The following PALLD variants were observed in gnomAD, a reference collection of about 807,000 sequenced individuals.
PALLD encodes the protein palladin.
A neutral mutation model predicts 123.5 loss-of-function variants in PALLD; 61 were observed. The observed-to-expected ratio is 0.49, with a 90% CI of 0.40 to 0.61. The LOEUF (loss-of-function observed/expected upper bound fraction) is 0.61, where lower values mean the gene tolerates loss of function less well. PALLD is among the 20% of genes least tolerant of loss of function. PALLD has a pLI of 0.00. For synonymous variants in PALLD, 465 were observed against 496.4 expected (o/e 0.94, Z 0.84); for missense variants, 1,273 against 1,377.0 (o/e 0.92, Z 1.20).
chr4:168,781,547 A>T (rs1393585170), intron 10 of PALLD, among the ~76,000 whole-genome samples: 1 of 152,216 alleles, frequency 6.6e-6, no homozygotes, highest in Non-Finnish European at 1.5e-5. Context: ...TGATGACAGG[A>T]AGCCTCGGAG....
chr4:168,553,454 T>G (rs1766953257), intron 2 of PALLD, among the ~76,000 whole-genome samples: 1 of 152,212 alleles, frequency 6.6e-6, no homozygotes, highest in Non-Finnish European at 1.5e-5. Context: ...TTTAAACTAG[T>G]AAGTGACATA....
At chr4:168,589,799 G>A (rs572187278) in intron 2 of PALLD, among the ~76,000 whole-genome samples, 4 of 152,306 alleles carry the variant, frequency 2.6e-5, no homozygotes, top group Non-Finnish European at 5.9e-5. Context: ...AGACTGGAAA[G>A]ATTTAAACTC....
chr4:168,592,489 G>C (rs1162331357), intron 2 of PALLD, among the ~76,000 whole-genome samples: 1 of 152,052 alleles, frequency 6.6e-6, no homozygotes, highest in Non-Finnish European at 1.5e-5. Flanking sequence ...TTTTTACTTT[G>C]AGACCTCAAA....
At chr4:168,828,959 A>G (rs889653408) in intron 10 of PALLD, 4 of 152,164 alleles carry the variant, frequency 2.6e-5, no homozygotes, top group Non-Finnish European at 5.9e-5. Context: ...TTAGTCAAGG[A>G]AGAATGAAAT....
intron 10 of PALLD, among the ~76,000 whole-genome samples, chr4:168,883,247 T>A (rs559196077): frequency 1.3e-5 from 2 of 152,342 alleles, no homozygotes; most frequent in African/African-American, 4.8e-5. Context: ...CAGCCTTTGC[T>A]TTACCGTAAA....
chr4:168,848,284 T>C (rs1747206078), intron 10 of PALLD, among the ~76,000 whole-genome samples: 1 of 152,196 alleles, frequency 6.6e-6, no homozygotes, highest in African/African-American at 2.4e-5. Context: ...GGGCCTGTCC[T>C]TGATGGCTTC....
At chr4:168,599,709 C>T (rs1400327637) in intron 2 of PALLD, among the ~76,000 whole-genome samples, 1 of 152,138 alleles carries the variant, frequency 6.6e-6, no homozygotes, top group Non-Finnish European at 1.5e-5. Flanking sequence ...GGTTGTAGTA[C>T]ACTGTGACTG....
At chr4:168,819,017 A>C (rs1476500552) in intron 10 of PALLD, among the ~76,000 whole-genome samples, 1 of 151,684 alleles carries the variant, frequency 6.6e-6, no homozygotes, top group African/African-American at 2.4e-5. Flanking sequence ...AATGCCTTTC[A>C]AAAAAAGATG....
chr4:168,874,768 T>C (rs550514884), intron 10 of PALLD, among the ~76,000 whole-genome samples: 69 of 152,154 alleles, frequency 4.5e-4, no homozygotes, highest in Non-Finnish European at 9.3e-4. Context: ...ACTTGCTCTG[T>C]GGCCTTGAGT....
intron 2 of PALLD, among the ~76,000 whole-genome samples, chr4:168,552,128 G>T (rs1282101827): frequency 1.3e-5 from 2 of 152,160 alleles, no homozygotes; most frequent in Non-Finnish European, 1.5e-5. Context: ...GAGTCTCAGA[G>T]ATGTTAGTTT....
intron 2 of PALLD, among the ~76,000 whole-genome samples, chr4:168,522,382 C>T (rs1166478615): frequency 1.3e-5 from 2 of 152,146 alleles, no homozygotes; most frequent in Non-Finnish European, 2.9e-5. Context: ...ATGTGCTTTT[C>T]GGAAGTTTAA....
At chr4:168,653,977 G>C (rs774862417) in intron 2 of PALLD, among the ~76,000 whole-genome samples, 1 of 150,620 alleles carries the variant, frequency 6.6e-6, no homozygotes, top group Non-Finnish European at 1.5e-5. Context: ...TGAGATTACA[G>C]GCATGAGATC....
intron 17 of PALLD, among the ~76,000 whole-genome samples, chr4:168,917,347 C>G (rs934825888): frequency 6.6e-6 from 1 of 152,164 alleles, no homozygotes; most frequent in Admixed American, 6.5e-5. Context: ...CACACCCGGC[C>G]TACAGCAAGG....
intron 3 of PALLD, among the ~76,000 whole-genome samples, chr4:168,670,789 CAAAA>C (rs1238495535): frequency 9.9e-6 from 1 of 100,872 alleles, no homozygotes; most frequent in Non-Finnish European, 2.0e-5. Flanking sequence ...AAAAAAAAAA[CAAAA>C]AAAACAAAAA....
intron 1 of PALLD, among the ~76,000 whole-genome samples, 194 bp downstream of exon 1, chr4:168,497,388 T>C (rs1176165898): frequency 2.6e-5 from 4 of 152,344 alleles, no homozygotes; most frequent in South Asian, 4.1e-4. Context: ...TACGTAAGAT[T>C]TGCCTGCCCA....
At chr4:168,575,463 C>G (rs60112862) in intron 2 of PALLD, among the ~76,000 whole-genome samples, 1 of 151,936 alleles carries the variant, frequency 6.6e-6, no homozygotes, top group African/African-American at 2.4e-5. Context: ...GGAAACCGCC[C>G]CCATGATCCA....
chr4:168,868,496 T>C (rs1429807844), intron 10 of PALLD, among the ~76,000 whole-genome samples: 2 of 152,214 alleles, frequency 1.3e-5, no homozygotes, highest in African/African-American at 4.8e-5. Context: ...ATTCAACCAT[T>C]GGCCTCATTC....
chr4:168,856,079 C>T (rs1417345591), intron 10 of PALLD, among the ~76,000 whole-genome samples: 2 of 152,192 alleles, frequency 1.3e-5, no homozygotes, highest in Non-Finnish European at 2.9e-5. Flanking sequence ...TGTTTAGCTC[C>T]CACTTATCAG....
chr4:168,781,002 A>G (rs979427816), intron 10 of PALLD, among the ~76,000 whole-genome samples: 6 of 152,202 alleles, frequency 3.9e-5, no homozygotes, highest in African/African-American at 7.2e-5. Context: ...GTAGTTTTCA[A>G]AAGAGCCATA....
Sources: gnomAD v4.1 joint callset for allele counts (sites outside exome capture counted in the v4.1 genomes callset) on GRCh38, gnomAD v4.1.1 for gene constraint, MANE v1.5 for transcripts, NCBI Gene and HGNC (gene_info 2026-07-23, HGNC 2026-07-21) for gene names.